The following FCF1 variants were observed in gnomAD, a reference collection of about 807,000 sequenced individuals.
The protein encoded by FCF1 is rRNA-processing protein FCF1 homolog.
In FCF1, 17 loss-of-function variants were observed where a neutral mutation model predicts 32.5. The observed-to-expected ratio is 0.52, with a 90% CI of 0.36 to 0.78. The LOEUF (loss-of-function observed/expected upper bound fraction) is 0.78, where lower values mean the gene tolerates loss of function less well. Ranked by LOEUF, FCF1 falls within the 30% of genes least tolerant of loss-of-function variation. The pLI, the probability that FCF1 is intolerant of heterozygous loss-of-function variation, is 0.00. For synonymous variants in FCF1, 84 were observed against 78.4 expected, an observed-to-expected ratio of 1.07 and a Z score of -0.38; for missense variants, 201 against 241.1, an observed-to-expected ratio of 0.83 and a Z score of 1.10.
At chr14:74,718,460 A>C (rs974991641) in intron 4 of FCF1, among the ~76,000 whole-genome samples, 18 of 151,876 alleles carry the variant, frequency 1.2e-4, no homozygotes, top group African/African-American at 4.4e-4. Context: ...GCCTTGTTTC[A>C]TGATCTCAGT....
intron 4 of FCF1, among the ~76,000 whole-genome samples, chr14:74,720,748 C>T (rs982415643): frequency 6.6e-6 from 1 of 152,198 alleles, no homozygotes; most frequent in Non-Finnish European, 1.5e-5. Flanking sequence ...CTCCAGGTCT[C>T]AAGTGATCCT....
Position 74,734,223 on chromosome 14 carries a change from G to A in FCF1, c.548+53G>A, listed in dbSNP as rs146378797. ...TAGAAATATATAATTGATATCAATT[G>A]AAAATGAGGATAAGTGATAAGGTTA... On this transcript the variant is annotated intron_variant, in intron 7 of 7. Coordinates refer to ENST00000341162, the MANE Select transcript of FCF1 (RefSeq NM_015962.5). 1.6e-3 allele frequency: 1,660 copies of A among 1,010,814 alleles called. 12 individuals carry two copies. Among genetic ancestry groups the A allele is most frequent in the South Asian group, 4.0e-3 (302 of 75,530 alleles). The allele number at this position is 1,010,814 out of a possible 1,614,324, so 62.6% of individuals were successfully genotyped here.
chr14:74,720,625 C>T (rs144834749), intron 4 of FCF1, among the ~76,000 whole-genome samples: 4 of 152,098 alleles, frequency 2.6e-5, no homozygotes, highest in African/African-American at 9.6e-5. Context: ...GAACATTTTT[C>T]CATGGCATGT....
rs2090714675 is a variant in FCF1 at position 74,737,099 on chromosome 14, A to C, written c.*2169A>C. On this transcript the variant is annotated 3_prime_UTR_variant, in exon 8 of 8. Transcript: ENST00000341162. ...ATAGAAAATCCATTAACCTATGTATAATCCCAGCACTTTGGGAGACTGAGG... is the reference window on the plus strand; with the variant it reads ...ATAGAAAATCCATTAACCTATGTATCATCCCAGCACTTTGGGAGACTGAGG... The C allele has an allele frequency of 1.3e-5, 2 of 152,270 alleles. No homozygotes were observed. Among genetic ancestry groups the C allele is most frequent in the Admixed American group, 1.3e-4 (2 of 15,274 alleles). 9.4% of individuals were successfully genotyped at this position (152,270 alleles called of 1,614,324 possible). A position where few individuals can be genotyped will look rare whatever the true frequency, so the allele number is the denominator to read the frequency against.
chr14:74,720,246 G>A (rs1285515043), intron 4 of FCF1, among the ~76,000 whole-genome samples: 1 of 152,172 alleles, frequency 6.6e-6, no homozygotes, highest in African/African-American at 2.4e-5. Flanking sequence ...GTACAGTTCA[G>A]TGACTTCTAG....
At chr14:74,717,167 C>T (rs1466445659) in intron 4 of FCF1, among the ~76,000 whole-genome samples, 1 of 144,676 alleles carries the variant, frequency 6.9e-6, no homozygotes, top group Non-Finnish European at 1.5e-5. Context: ...ACCATTCTGG[C>T]CAACAAGGTG....
At chr14:74,734,580 C>G (rs1316361733) in intron 7 of FCF1, among the ~76,000 whole-genome samples, 1 of 151,124 alleles carries the variant, frequency 6.6e-6, no homozygotes, top group African/African-American at 2.4e-5. Context: ...GACTTATTTT[C>G]CAGCTTTTCA....
intron 7 of FCF1, 86 bp from the exon 8 acceptor site, chr14:74,734,796 A>T (rs2090685085): frequency 3.0e-6 from 3 of 994,650 alleles, no homozygotes; most frequent in Admixed American, 1.9e-5. Context: ...AGTGGGGGTG[A>T]GAGTATTGCA....
At position 74,736,835 on chromosome 14, in the gene FCF1, A is replaced by G. The variant is rs1594795384; in HGVS notation, c.*1905A>G. 1 of 152,168 alleles carries G rather than the reference A, an allele frequency of 6.6e-6. No individual in the cohort carries two copies. Among genetic ancestry groups the G allele is most frequent in the East Asian group, 1.9e-4 (1 of 5,194 alleles). 9.4% of individuals were successfully genotyped at this position (152,168 alleles called of 1,614,324 possible). A position where few individuals can be genotyped will look rare whatever the true frequency, so the allele number is the denominator to read the frequency against. ...TAAGAGATGGTCCTGCCCTCAAGACACTCATTATGGTGGGAAAGAAAAACA... is the reference window on the plus strand; with the variant it reads ...TAAGAGATGGTCCTGCCCTCAAGACGCTCATTATGGTGGGAAAGAAAAACA... On this transcript the variant is annotated 3_prime_UTR_variant, in exon 8 of 8. Transcript: ENST00000341162.
intron 2 of FCF1, 104 bp from the exon 3 acceptor site, chr14:74,714,768 T>C: frequency 7.1e-7 from 1 of 1,415,994 alleles, no homozygotes; most frequent in South Asian, 1.4e-5. Context: ...GTAGGATTTC[T>C]TCAGTAGACC....
chr14:74,732,363 T>C (rs1407484467), intron 5 of FCF1, among the ~76,000 whole-genome samples: 1 of 152,218 alleles, frequency 6.6e-6, no homozygotes, highest in African/African-American at 2.4e-5. Flanking sequence ...CCTATATTCT[T>C]GTTCATTGTG....
At chr14:74,734,767 A>T in intron 7 of FCF1, 115 bp from the exon 8 acceptor site, 1 of 785,150 alleles carries the variant, frequency 1.3e-6, no homozygotes, top group South Asian at 1.6e-5. Flanking sequence ...AATTGTTTCC[A>T]CTGACAAAAA....
rs878876008 is a variant in FCF1 at position 74,736,409 on chromosome 14, CAA to C, written c.*1493_*1494del. ...CCTGGGTGACAGAGTGAGACTGTCT[CAA>C]AAAAAAAAAAAAATTAATGATGGTC... On this transcript the variant is annotated 3_prime_UTR_variant, in exon 8 of 8. Transcript: ENST00000341162. The C allele has an allele frequency of 8.2e-5, 9 of 109,472 alleles. No homozygotes were observed. The highest frequency in any genetic ancestry group is 6.8e-5 in the African/African-American group (2 of 29,422). The allele number at this position is 109,472 out of a possible 1,614,324, so 6.8% of individuals were successfully genotyped here.
At chr14:74,729,431 G>A (rs2090608057) in intron 5 of FCF1, among the ~76,000 whole-genome samples, 1 of 152,114 alleles carries the variant, frequency 6.6e-6, no homozygotes. Flanking sequence ...TTGTATTTCT[G>A]TGGGATCGGT....
chr14:74,723,364 G>T lies in FCF1; in HGVS notation c.365+20G>T. On this transcript the variant is annotated intron_variant, in intron 5 of 7. Coordinates refer to ENST00000341162, the MANE Select transcript of FCF1 (RefSeq NM_015962.5). Reference sequence around the variant, plus strand: ...TCTAAGGTAGGAAGGAGGTAAACTAGATCTGTTCTAGATTGGTATACTGAA... The same window carrying T: ...TCTAAGGTAGGAAGGAGGTAAACTATATCTGTTCTAGATTGGTATACTGAA... 6.4e-7 allele frequency: 1 copy of T among 1,570,440 alleles called. No individual in the cohort carries two copies. The highest frequency in any genetic ancestry group is 8.8e-7 in the Non-Finnish European group (1 of 1,141,186).
chr14:74,737,917 A>G lies in FCF1; in HGVS notation c.*2987A>G, dbSNP rs191339313. The G allele has an allele frequency of 2.7e-3, 399 of 148,076 alleles. No individual in the cohort carries two copies. Among genetic ancestry groups the G allele is most frequent in the Non-Finnish European group, 4.5e-3 (303 of 66,914 alleles). The allele number at this position is 148,076 out of a possible 1,614,324, so 9.2% of individuals were successfully genotyped here. ...GCAGGAGAACGCTTGAACCTGGGAG[A>G]TGGAGGTTGTGATGAGCCGAGATCA... On this transcript the variant is annotated 3_prime_UTR_variant, in exon 8 of 8. Transcript: ENST00000341162.
intron 5 of FCF1, 76 bp from the exon 6 acceptor site, chr14:74,732,655 A>C: frequency 2.1e-6 from 2 of 956,146 alleles, no homozygotes; most frequent in South Asian, 1.3e-5. Context: ...TGCATAGATC[A>C]TGTTACTTTT....
rs868650052 is a variant in FCF1, at chr14:74,737,872, C to T, written c.*2942C>T. On this transcript the variant is annotated 3_prime_UTR_variant, in exon 8 of 8. Coordinates refer to ENST00000341162, the MANE Select transcript of FCF1 (RefSeq NM_015962.5). Reference sequence around the variant, plus strand: ...GCATGGTGGCAAATGCCTGTATTCCCAGCTACTCTGGAGGCTGAGGCAGGA... The same window carrying T: ...GCATGGTGGCAAATGCCTGTATTCCTAGCTACTCTGGAGGCTGAGGCAGGA... 2 of 152,040 alleles carry T rather than the reference C, an allele frequency of 1.3e-5. No homozygotes were observed. Among genetic ancestry groups the T allele is most frequent in the South Asian group, 4.1e-4 (2 of 4,824 alleles). The allele number at this position is 152,040 out of a possible 1,614,324, so 9.4% of individuals were successfully genotyped here.
intron 1 of FCF1, 65 bp from the exon 2 acceptor site, chr14:74,713,420 A>G: frequency 6.4e-7 from 1 of 1,567,258 alleles, no homozygotes; most frequent in South Asian, 1.1e-5. Flanking sequence ...GACAAGAGAA[A>G]AGAAGAGACT....
Sources: gnomAD v4.1 joint callset for allele counts (sites outside exome capture counted in the v4.1 genomes callset) on GRCh38, gnomAD v4.1.1 for gene constraint, MANE v1.5 for transcripts, NCBI Gene and HGNC (gene_info 2026-07-23, HGNC 2026-07-21) for gene names.